Variants in TRPC6 observed in about 807,000 individuals in gnomAD.
TRPC6 encodes transient receptor potential cation channel subfamily C member 6, also known as short transient receptor potential channel 6.
Under a neutral mutation model 90.7 loss-of-function variants are expected in TRPC6, and 55 were observed. The ratio of observed to expected loss-of-function variants is 0.61; its 90% CI spans 0.49 to 0.76. TRPC6 has a LOEUF of 0.76. Among genes scored for constraint, TRPC6 ranks in the 30% least tolerant of loss-of-function variants. TRPC6 has a pLI of 0.00. For missense variants in TRPC6, 989 were observed against 1,122.7 expected (o/e 0.88, Z 1.70); for synonymous variants, 393 against 393.0 (o/e 1.00, Z 0.00).
intron 1 of TRPC6, among the ~76,000 whole-genome samples, chr11:101,536,731 AG>A (rs1861057569): frequency 6.6e-6 from 1 of 152,186 alleles, no homozygotes; most frequent in Non-Finnish European, 1.5e-5. Context: ...GTCATTAGTC[AG>A]GGGCGAGAGC....
At chr11:101,491,185 G>A (rs1367248997) in intron 3 of TRPC6, among the ~76,000 whole-genome samples, 1 of 152,086 alleles carries the variant, frequency 6.6e-6, no homozygotes, top group Non-Finnish European at 1.5e-5. Context: ...AGTGGCTCAC[G>A]CCTGCAATCC....
intron 1 of TRPC6, among the ~76,000 whole-genome samples, chr11:101,541,998 C>A (rs1861183037): frequency 6.6e-6 from 1 of 152,302 alleles, no homozygotes; most frequent in South Asian, 2.1e-4. Flanking sequence ...AGATTGAAAT[C>A]AGCAATTGTT....
intron 1 of TRPC6, among the ~76,000 whole-genome samples, chr11:101,543,683 G>T (rs1186327296): frequency 6.6e-6 from 1 of 152,156 alleles, no homozygotes; most frequent in East Asian, 1.9e-4. Context: ...CTAGCCATAT[G>T]CAGAAAGCTG....
chr11:101,553,279 G>A (rs1440294263), intron 1 of TRPC6, among the ~76,000 whole-genome samples: 1 of 152,150 alleles, frequency 6.6e-6, no homozygotes, highest in African/African-American at 2.4e-5. Context: ...ACTCTTTCCT[G>A]TAACCTATCC....
At chr11:101,564,853 A>G (rs762672515) in intron 1 of TRPC6, among the ~76,000 whole-genome samples, 12 of 152,160 alleles carry the variant, frequency 7.9e-5, no homozygotes, top group Non-Finnish European at 1.0e-4. Flanking sequence ...ACAATATGGT[A>G]CTGATTTAAA....
At position 101,473,857 on chromosome 11, in the gene TRPC6, AG is replaced by A. The variant is rs1396468308; in HGVS notation, c.1745-85del. On this transcript the variant is annotated intron_variant, in intron 6 of 12. Transcript: ENST00000344327. ...ACTTCTTTTTCTGCGAAAGAAATAT[AG>A]TTATGTTAGAATCCGGTTTTCGAAT... is the stretch of plus-strand genomic sequence containing the variant. The A allele has an allele frequency of 2.5e-6, 4 of 1,587,302 alleles. No individual in the cohort carries two copies. The East Asian group carries it at 9.0e-5, about 36-fold the overall frequency.
At chr11:101,555,766 A>T (rs1861549002) in intron 1 of TRPC6, among the ~76,000 whole-genome samples, 1 of 152,168 alleles carries the variant, frequency 6.6e-6, no homozygotes, top group African/African-American at 2.4e-5. Flanking sequence ...GGAACAGAAA[A>T]TGTGGAGAAT....
chr11:101,570,323 G>C (rs1861932341), intron 1 of TRPC6, among the ~76,000 whole-genome samples: 1 of 152,156 alleles, frequency 6.6e-6, no homozygotes, highest in Non-Finnish European at 1.5e-5. Flanking sequence ...ACTAATCCAG[G>C]TAGAGGTCAA....
At chr11:101,563,186 G>A (rs1404504790) in intron 1 of TRPC6, among the ~76,000 whole-genome samples, 1 of 152,160 alleles carries the variant, frequency 6.6e-6, no homozygotes, top group Non-Finnish European at 1.5e-5. Flanking sequence ...AGCAGATAAT[G>A]AACACGTCCA....
intron 5 of TRPC6, among the ~76,000 whole-genome samples, chr11:101,482,196 T>G (rs1859567170): frequency 6.6e-6 from 1 of 152,208 alleles, no homozygotes; most frequent in Non-Finnish European, 1.5e-5. Flanking sequence ...AGACTTAACT[T>G]CCTTGAACAC....
In TRPC6 at chr11:101,465,719, G is replaced by A. The variant is rs904183914; in HGVS notation, c.2484+3708C>T. Reference sequence around the variant, plus strand: ...TTTTTTCAAGGTTCTTAGTTTTTTCGCACCAGGTGAGAATATGTTCTTTTA... The same window carrying A: ...TTTTTTCAAGGTTCTTAGTTTTTTCACACCAGGTGAGAATATGTTCTTTTA... On this transcript the variant is annotated intron_variant, in intron 10 of 12. Coordinates refer to ENST00000344327, the MANE Select transcript of TRPC6 (RefSeq NM_004621.6). Among the ~76,000 whole-genome samples the A allele has an allele frequency of 4.6e-5, 7 of 151,782 alleles. No individual in the cohort carries two copies. The South Asian group carries it at 6.3e-4, about 14-fold the overall frequency.
In TRPC6 at chr11:101,499,996, GTATAAAATGTGTATATATATACGCAA is replaced by G. The variant is rs1860070556; in HGVS notation, c.945+4002_945+4027del. The stretch of plus-strand genomic sequence containing the variant: ...TAAAATGTGTATATATGTATACACA[GTATAAAATGTGTATATATATACGCAA>G]TATAAAATGTGTATATATATACAAT... On this transcript the variant is annotated intron_variant, in intron 2 of 12. Coordinates refer to ENST00000344327, the MANE Select transcript of TRPC6 (RefSeq NM_004621.6). Among the ~76,000 whole-genome samples the G allele has an allele frequency of 1.0e-4, 4 of 39,212 alleles. 1 individual carries two copies. The highest frequency in any genetic ancestry group is 1.6e-4 in the Non-Finnish European group (3 of 19,008). The allele number at this position is 39,212 out of a possible 152,430, so 25.7% of individuals were successfully genotyped here.
At chr11:101,453,251 A>G (rs769990147) in intron 12 of TRPC6, 145 bp from the exon 13 acceptor site, 10 of 845,090 alleles carry the variant, frequency 1.2e-5, no homozygotes, top group African/African-American at 1.7e-5. Flanking sequence ...CTAATTGAGC[A>G]GGTTTTTGTT....
chr11:101,462,930 A>T (rs1009157090), intron 10 of TRPC6, among the ~76,000 whole-genome samples: 4 of 152,128 alleles, frequency 2.6e-5, no homozygotes, highest in African/African-American at 9.7e-5. Flanking sequence ...ATTCAGTATG[A>T]TATTGGCTGT....
intron 4 of TRPC6, 38 bp downstream of exon 4, chr11:101,488,899 T>G (rs1472835966): frequency 6.2e-7 from 1 of 1,612,566 alleles, no homozygotes; most frequent in Non-Finnish European, 8.5e-7. Flanking sequence ...AAAACATATT[T>G]CTAGTAGATA....
At chr11:101,545,955 T>A (rs1861293105) in intron 1 of TRPC6, among the ~76,000 whole-genome samples, 2 of 151,706 alleles carry the variant, frequency 1.3e-5, no homozygotes, top group African/African-American at 2.4e-5. Flanking sequence ...CTTGTTCCGT[T>A]CTGTGAATAG....
chr11:101,487,048 A>G (rs1859693417), intron 4 of TRPC6, among the ~76,000 whole-genome samples: 1 of 152,164 alleles, frequency 6.6e-6, no homozygotes, highest in Non-Finnish European at 1.5e-5. Flanking sequence ...GGGAAGAAGA[A>G]ATAGTAAAGG....
intron 1 of TRPC6, among the ~76,000 whole-genome samples, chr11:101,564,683 A>G (rs992101456): frequency 2.0e-5 from 3 of 152,206 alleles, no homozygotes; most frequent in Non-Finnish European, 2.9e-5. Context: ...CAATATCAAA[A>G]TTCCAGTAGC....
intron 1 of TRPC6, among the ~76,000 whole-genome samples, chr11:101,513,786 G>A (rs1409073722): frequency 6.6e-6 from 1 of 152,178 alleles, no homozygotes; most frequent in Admixed American, 6.5e-5. Context: ...GGCTTAGGAT[G>A]AACAACTCTT....
Sources: allele counts gnomAD v4.1 joint callset (sites outside exome capture counted in the v4.1 genomes callset), GRCh38; gene constraint gnomAD v4.1.1; transcripts MANE v1.5; gene names NCBI Gene and HGNC (gene_info 2026-07-23, HGNC 2026-07-21).